SMYD3: variants seen among roughly 807,000 people sequenced by gnomAD.
SMYD3 encodes the protein SET and MYND domain containing 3, also known as histone-lysine N-methyltransferase SMYD3.
SMYD3 carries 36 observed loss-of-function variants against 57.7 expected under a neutral mutation model. The observed-to-expected ratio is 0.62, with a 90% CI of 0.48 to 0.82. The LOEUF (loss-of-function observed/expected upper bound fraction) is 0.82. Among genes scored for constraint, SMYD3 ranks in the 40% least tolerant of loss-of-function variants. SMYD3 has a pLI of 0.00. For synonymous variants in SMYD3, 211 were observed against 195.0 expected (o/e 1.08, Z -0.68); for missense variants, 515 against 538.8 (o/e 0.96, Z 0.44).
chr1:246,380,136 T>C (rs948631180), intron 1 of SMYD3, among the ~76,000 whole-genome samples: 4 of 152,176 alleles, frequency 2.6e-5, no homozygotes, highest in Non-Finnish European at 5.9e-5. Context: ...ATACAGTACA[T>C]TAAATACTTT....
At chr1:245,873,617 A>C (rs895958479) in intron 8 of SMYD3, among the ~76,000 whole-genome samples, 1 of 152,154 alleles carries the variant, frequency 6.6e-6, no homozygotes, top group Non-Finnish European at 1.5e-5. Flanking sequence ...TTCTTTGAGG[A>C]CAGATGCTCT....
intron 5 of SMYD3, among the ~76,000 whole-genome samples, chr1:246,171,831 C>T (rs774136176): frequency 6.6e-6 from 1 of 152,054 alleles, no homozygotes; most frequent in Non-Finnish European, 1.5e-5. Context: ...GGCAACATAG[C>T]AAGACCTCAA....
At chr1:246,036,413 C>A (rs140196332) in intron 5 of SMYD3, among the ~76,000 whole-genome samples, 1 of 152,192 alleles carries the variant, frequency 6.6e-6, no homozygotes. Flanking sequence ...CCAATTTCAT[C>A]ATTTCTTGGG....
At chr1:246,101,071 G>GTTTTTT (rs754724096) in intron 5 of SMYD3, among the ~76,000 whole-genome samples, 5 of 54,118 alleles carry the variant, frequency 9.2e-5, no homozygotes, top group East Asian at 5.4e-4. Flanking sequence ...GGGGTTTTTT[G>GTTTTTT]TTTTTTTTTT....
chr1:246,071,334 C>T (rs931945030), intron 5 of SMYD3, among the ~76,000 whole-genome samples: 1 of 151,916 alleles, frequency 6.6e-6, no homozygotes, highest in East Asian at 1.9e-4. Flanking sequence ...GAGGGTAGGA[C>T]GGTGGGAGAA....
chr1:246,482,423 T>C (rs2068123295), intron 1 of SMYD3, among the ~76,000 whole-genome samples: 2 of 151,990 alleles, frequency 1.3e-5, no homozygotes, highest in Middle Eastern at 3.2e-3. Flanking sequence ...TACATAAGCA[T>C]CATGTGGCAC....
intron 5 of SMYD3, among the ~76,000 whole-genome samples, chr1:246,110,889 T>C (rs2061225326): frequency 6.6e-6 from 1 of 152,190 alleles, no homozygotes; most frequent in Non-Finnish European, 1.5e-5. Context: ...TTTTAAGGGT[T>C]CTAAACCATG....
At chr1:246,358,118 A>C (rs181922546) in intron 1 of SMYD3, among the ~76,000 whole-genome samples, 1 of 152,326 alleles carries the variant, frequency 6.6e-6, no homozygotes, top group African/African-American at 2.4e-5. Flanking sequence ...AAGGGGTGGA[A>C]AATGACATTC....
chr1:245,773,087 C>T (rs1310173802), intron 10 of SMYD3, among the ~76,000 whole-genome samples: 3 of 81,068 alleles, frequency 3.7e-5, no homozygotes, highest in African/African-American at 1.7e-4. Context: ...TGGGGAGAAT[C>T]ACTAAAAAAA....
chr1:245,830,534 T>C (rs2049774346), intron 10 of SMYD3, among the ~76,000 whole-genome samples: 1 of 152,210 alleles, frequency 6.6e-6, no homozygotes, highest in African/African-American at 2.4e-5. Context: ...CCAAACCTTA[T>C]CAGTGTGTGG....
intron 5 of SMYD3, among the ~76,000 whole-genome samples, chr1:246,267,425 T>C (rs1214726448): frequency 6.6e-6 from 1 of 152,222 alleles, no homozygotes. Context: ...GTTATTTGAT[T>C]ATTCCCAGTC....
chr1:246,229,146 AT>A (rs913613462), intron 5 of SMYD3, among the ~76,000 whole-genome samples: 3 of 152,212 alleles, frequency 2.0e-5, no homozygotes, highest in African/African-American at 7.2e-5. Flanking sequence ...TAAATTCATT[AT>A]AAAAATAATG....
At chr1:246,110,466 C>A (rs548330220) in intron 5 of SMYD3, among the ~76,000 whole-genome samples, 1 of 152,342 alleles carries the variant, frequency 6.6e-6, no homozygotes, top group South Asian at 2.1e-4. Context: ...CTCTCTTACA[C>A]TGTGTGTCTC....
intron 8 of SMYD3, among the ~76,000 whole-genome samples, 165 bp from the exon 9 acceptor site, chr1:245,864,051 A>C (rs1428990488): frequency 6.6e-6 from 1 of 152,236 alleles, no homozygotes; most frequent in Admixed American, 6.5e-5. Flanking sequence ...GTGAGATGTT[A>C]CTTGATACCC....
At chr1:245,766,133 G>A (rs1351027909) in intron 10 of SMYD3, among the ~76,000 whole-genome samples, 7 of 152,066 alleles carry the variant, frequency 4.6e-5, no homozygotes, top group Non-Finnish European at 8.8e-5. Flanking sequence ...GGCTGGGCGC[G>A]GCGGCTCACA....
chr1:245,856,861 T>A (rs185068199), intron 10 of SMYD3, among the ~76,000 whole-genome samples: 3,008 of 152,204 alleles, frequency 0.02, 98 homozygotes, highest in African/African-American at 0.069. Context: ...TCAGTCTGCA[T>A]CTTTTGGATG....
intron 5 of SMYD3, among the ~76,000 whole-genome samples, chr1:246,030,365 G>T (rs1426292171): frequency 6.6e-6 from 1 of 152,196 alleles, no homozygotes; most frequent in African/African-American, 2.4e-5. Flanking sequence ...GAGCAAAAAA[G>T]ATGTTGTTTT....
chr1:246,308,815 T>C (rs1490965564), intron 5 of SMYD3, among the ~76,000 whole-genome samples: 2 of 152,162 alleles, frequency 1.3e-5, no homozygotes, highest in African/African-American at 4.8e-5. Context: ...GAAAGGACTG[T>C]AAGGTCAGTA....
chr1:245,951,335 T>C (rs56798396), intron 5 of SMYD3, among the ~76,000 whole-genome samples: 17,769 of 133,470 alleles, frequency 0.13, 1,749 homozygotes, highest in East Asian at 0.38. Flanking sequence ...TTTGGGAGGC[T>C]GAGGCGGGTG....
Sources: allele counts gnomAD v4.1 joint callset (sites outside exome capture counted in the v4.1 genomes callset), GRCh38; gene constraint gnomAD v4.1.1; transcripts MANE v1.5; gene names NCBI Gene and HGNC (gene_info 2026-07-23, HGNC 2026-07-21).